PDE7B: variants seen among roughly 807,000 people sequenced by gnomAD.
PDE7B encodes phosphodiesterase 7B.
In PDE7B, 29 loss-of-function variants were observed where a neutral mutation model predicts 56.2. The ratio of observed to expected loss-of-function variants is 0.52; its 90% CI spans 0.38 to 0.70. PDE7B has a LOEUF of 0.70. Among genes scored for constraint, PDE7B ranks in the 30% least tolerant of loss-of-function variants. The probability of loss-of-function intolerance (pLI) is 0.00; values close to 1 mark genes in which losing one functional copy is unlikely to be tolerated. For synonymous variants in PDE7B, 197 were observed against 196.9 expected (o/e 1.00, Z 0.00); for missense variants, 490 against 565.0 (o/e 0.87, Z 1.35).
At chr6:135,907,478 A>C (rs1275032245) in intron 1 of PDE7B, among the ~76,000 whole-genome samples, 1 of 151,956 alleles carries the variant, frequency 6.6e-6, no homozygotes, top group Admixed American at 6.6e-5. Flanking sequence ...TTATTTGTTT[A>C]TATTTTGTCT....
intron 1 of PDE7B, among the ~76,000 whole-genome samples, chr6:135,906,814 T>TTTTTTTTTTTTGTTTTTG (rs1776117329): frequency 1.5e-5 from 2 of 134,506 alleles, no homozygotes; most frequent in African/African-American, 6.6e-5. Context: ...AGGTTTGTTT[T>TTTTTTTTTTTTGTTTTTG]TTTTTTTTTT....
At chr6:136,038,581 T>C in intron 2 of PDE7B, 1 of 1,216,284 alleles carries the variant, frequency 8.2e-7, no homozygotes, top group Admixed American at 2.8e-5. Flanking sequence ...GATAACTAAC[T>C]CCCTTTCTTT....
intron 2 of PDE7B, among the ~76,000 whole-genome samples, chr6:136,069,018 C>G (rs1397407114): frequency 6.6e-6 from 1 of 152,052 alleles, no homozygotes; most frequent in East Asian, 1.9e-4. Flanking sequence ...GTGCTGGTCA[C>G]CTGTGCCTGA....
At chr6:136,008,403 C>G (rs559415630) in intron 2 of PDE7B, among the ~76,000 whole-genome samples, 5 of 152,190 alleles carry the variant, frequency 3.3e-5, no homozygotes, top group Admixed American at 3.3e-4. Context: ...CCTGAGGAAT[C>G]GCCACACTGA....
intron 5 of PDE7B, 96 bp downstream of exon 5, chr6:136,149,246 TTTTCCTTC>T (rs1778471007): frequency 1.3e-6 from 1 of 796,362 alleles, no homozygotes. Flanking sequence ...TGCTATTCCT[TTTTCCTTC>T]TTTCCCCATT....
chr6:136,029,640 TAGAA>T (rs1776212410), intron 2 of PDE7B, among the ~76,000 whole-genome samples: 1 of 152,068 alleles, frequency 6.6e-6, no homozygotes, highest in Admixed American at 6.6e-5. Context: ...ATCCTATAAA[TAGAA>T]AGATATGCAA....
intron 1 of PDE7B, among the ~76,000 whole-genome samples, chr6:135,916,392 C>CTTTTTTTTTTTTTTTTT (rs566408380): frequency 1.7e-4 from 16 of 96,344 alleles, no homozygotes; most frequent in South Asian, 4.2e-4. Context: ...TCTTTTCTTT[C>CTTTTTTTTTTTTTTTTT]TTTTTTTTTT....
At chr6:136,091,916 G>A (rs986576009) in intron 2 of PDE7B, among the ~76,000 whole-genome samples, 4 of 152,192 alleles carry the variant, frequency 2.6e-5, no homozygotes, top group Non-Finnish European at 5.9e-5. Context: ...TGTGCTCTAT[G>A]TAGAAGACAT....
intron 2 of PDE7B, among the ~76,000 whole-genome samples, chr6:136,049,868 G>C (rs1391731395): frequency 1.3e-5 from 2 of 152,168 alleles, no homozygotes; most frequent in Non-Finnish European, 2.9e-5. Flanking sequence ...TCTTTAAATG[G>C]AACAGTAAAG....
At chr6:136,024,608 A>T (rs1354287544) in intron 2 of PDE7B, among the ~76,000 whole-genome samples, 2 of 152,018 alleles carry the variant, frequency 1.3e-5, no homozygotes, top group Non-Finnish European at 2.9e-5. Context: ...TTTGGAGGTG[A>T]TGTTAGTGGC....
chr6:136,068,936 C>T (rs897737745), intron 2 of PDE7B, among the ~76,000 whole-genome samples: 1 of 152,160 alleles, frequency 6.6e-6, no homozygotes, highest in African/African-American at 2.4e-5. Context: ...TCAGGGCCTG[C>T]TATCTCATGT....
At chr6:135,981,483 T>C (rs1775295290) in intron 2 of PDE7B, among the ~76,000 whole-genome samples, 1 of 151,744 alleles carries the variant, frequency 6.6e-6, no homozygotes, top group Non-Finnish European at 1.5e-5. Flanking sequence ...ACTGGTATTT[T>C]GGTTTCTTTT....
chr6:135,974,843 C>G (rs1775155600), intron 2 of PDE7B, among the ~76,000 whole-genome samples: 1 of 152,172 alleles, frequency 6.6e-6, no homozygotes, highest in African/African-American at 2.4e-5. Context: ...ATTCTGTCAG[C>G]ATGTCAAGTG....
intron 1 of PDE7B, among the ~76,000 whole-genome samples, chr6:135,863,730 T>C (rs1024513562): frequency 6.6e-6 from 1 of 151,364 alleles, no homozygotes; most frequent in East Asian, 1.9e-4. Context: ...CTCCTTGGGC[T>C]GATACTAAAA....
At chr6:136,003,373 G>C (rs1469894412) in intron 2 of PDE7B, among the ~76,000 whole-genome samples, 1 of 152,010 alleles carries the variant, frequency 6.6e-6, no homozygotes, top group South Asian at 2.1e-4. Flanking sequence ...GAAGGAAATA[G>C]AGACACAAAA....
intron 1 of PDE7B, among the ~76,000 whole-genome samples, chr6:135,880,902 A>G (rs968616352): frequency 6.6e-6 from 1 of 152,178 alleles, no homozygotes; most frequent in East Asian, 1.9e-4. Context: ...GTGAGGAAAG[A>G]AAATTATAAG....
intron 2 of PDE7B, among the ~76,000 whole-genome samples, chr6:135,998,573 G>A (rs1349460524): frequency 2.0e-5 from 3 of 152,072 alleles, no homozygotes; most frequent in African/African-American, 4.8e-5. Context: ...TGGCTAACAC[G>A]GTGAAACCCT....
At chr6:136,119,902 C>A (rs927146418) in intron 3 of PDE7B, among the ~76,000 whole-genome samples, 1 of 152,128 alleles carries the variant, frequency 6.6e-6, no homozygotes, top group African/African-American at 2.4e-5. Flanking sequence ...CCAGGATTCC[C>A]CTTGAAGGTG....
At chr6:135,960,592 G>A (rs1481051991) in intron 2 of PDE7B, among the ~76,000 whole-genome samples, 3 of 152,094 alleles carry the variant, frequency 2.0e-5, no homozygotes, top group Admixed American at 6.6e-5. Context: ...ATTTAAAGTG[G>A]GGTTTTTAAC....
Sources: allele counts gnomAD v4.1 joint callset (sites outside exome capture counted in the v4.1 genomes callset), GRCh38; gene constraint gnomAD v4.1.1; transcripts MANE v1.5; gene names NCBI Gene and HGNC (gene_info 2026-07-23, HGNC 2026-07-21).